The following PRKG1 variants were observed in gnomAD, a reference collection of about 807,000 sequenced individuals.
PRKG1 encodes cGMP-dependent protein kinase 1.
A neutral mutation model predicts 88.1 loss-of-function variants in PRKG1; 35 were observed. The ratio of observed to expected loss-of-function variants is 0.40; its 90% CI spans 0.30 to 0.53. The LOEUF (loss-of-function observed/expected upper bound fraction) is 0.53. Ranked by LOEUF, PRKG1 falls within the 20% of genes least tolerant of loss-of-function variation. The probability of loss-of-function intolerance (pLI) is 0.59; values close to 1 mark genes in which losing one functional copy is unlikely to be tolerated. For synonymous variants in PRKG1, 303 were observed against 292.5 expected, an observed-to-expected ratio of 1.04 and a Z score of -0.37; for missense variants, 540 against 839.8, an observed-to-expected ratio of 0.64 and a Z score of 4.41.
At chr10:51,595,137 A>T (rs1838411531) in intron 3 of PRKG1, among the ~76,000 whole-genome samples, 1 of 152,154 alleles carries the variant, frequency 6.6e-6, no homozygotes, top group South Asian at 2.1e-4. Flanking sequence ...GCTTGGGTCC[A>T]GCAGCTCAAG....
rs77396027 is a variant in PRKG1 at position 51,272,504 on chromosome 10, G to GTT, written c.478+119184_478+119185dup. Among the ~76,000 whole-genome samples the GTT allele has an allele frequency of 2.7e-3, 391 of 146,700 alleles. 3 individuals carry two copies. The highest frequency in any genetic ancestry group is 8.8e-3 in the African/African-American group (353 of 40,210). Reference sequence around the variant, plus strand: ...CATGTATCCCAGAACTTAAAGTTTTGTTTTTTTTTTTAAGTAGTTTGGGTT... The same window carrying GTT: ...CATGTATCCCAGAACTTAAAGTTTTGTTTTTTTTTTTTTAAGTAGTTTGGGTT... On this transcript the variant is annotated intron_variant, in intron 2 of 17. Coordinates refer to ENST00000373980, the MANE Select transcript of PRKG1 (RefSeq NM_006258.4).
At chr10:52,190,608 T>C (rs1839336508) in intron 9 of PRKG1, among the ~76,000 whole-genome samples, 1 of 152,204 alleles carries the variant, frequency 6.6e-6, no homozygotes, top group Admixed American at 6.5e-5. Context: ...GGTTTAAGTC[T>C]ATGTCACACA....
chr10:51,821,040 T>A (rs983688165), intron 4 of PRKG1, among the ~76,000 whole-genome samples: 1 of 152,186 alleles, frequency 6.6e-6, no homozygotes, highest in African/African-American at 2.4e-5. Flanking sequence ...TAACCACTAT[T>A]CTGAGTTCTA....
chr10:51,380,461 T>G (rs1351598718), intron 2 of PRKG1, among the ~76,000 whole-genome samples: 1 of 152,150 alleles, frequency 6.6e-6, no homozygotes, highest in Non-Finnish European at 1.5e-5. Flanking sequence ...TCATCCTAAT[T>G]AGAAAGGTGC....
rs1903984 is a variant in PRKG1, at chr10:52,007,755, T to G, written c.763-46729T>G. Among the ~76,000 whole-genome samples, 1,291 of 152,266 alleles carry G rather than the reference T, an allele frequency of 8.5e-3. 26 individuals carry two copies. The highest frequency in any genetic ancestry group is 0.03 in the African/African-American group (1,231 of 41,562). On this transcript the variant is annotated intron_variant, in intron 5 of 17. Transcript: ENST00000373980. ...TAACAAAAATATTCAGGACTTGAAC[T>G]CAATACTTGCCCAAATGGACCTAAT...
intron 3 of PRKG1, among the ~76,000 whole-genome samples, chr10:51,600,506 A>T (rs1375500226): frequency 6.6e-6 from 1 of 152,210 alleles, no homozygotes; most frequent in Non-Finnish European, 1.5e-5. Flanking sequence ...ATACAGCCAC[A>T]TAGAAAATTT....
intron 2 of PRKG1, among the ~76,000 whole-genome samples, chr10:51,155,524 TA>T (rs1290299164): frequency 6.6e-6 from 1 of 152,016 alleles, no homozygotes; most frequent in Non-Finnish European, 1.5e-5. Context: ...TCAGGGTTTA[TA>T]CCCAGGCTAT....
chr10:51,286,419 T>A (rs1840443081), intron 2 of PRKG1, among the ~76,000 whole-genome samples: 2 of 152,236 alleles, frequency 1.3e-5, no homozygotes, highest in African/African-American at 4.8e-5. Context: ...TTCCATTTTA[T>A]ACCTTTTCCC....
chr10:51,419,415 C>T (rs781336927), intron 2 of PRKG1, among the ~76,000 whole-genome samples: 6 of 152,110 alleles, frequency 3.9e-5, no homozygotes, highest in Non-Finnish European at 8.8e-5. Context: ...TAAAGAAGAA[C>T]ATGACGTTTT....
intron 2 of PRKG1, among the ~76,000 whole-genome samples, chr10:51,196,653 G>C (rs1837774943): frequency 6.6e-6 from 1 of 152,142 alleles, no homozygotes; most frequent in African/African-American, 2.4e-5. Context: ...TGTGAACTGT[G>C]AAGTAATAGA....
At chr10:51,243,059 A>T (rs1201860941) in intron 2 of PRKG1, among the ~76,000 whole-genome samples, 2 of 152,170 alleles carry the variant, frequency 1.3e-5, no homozygotes, top group African/African-American at 4.8e-5. Flanking sequence ...GTGCTAATAC[A>T]TTGAGATGGA....
intron 5 of PRKG1, among the ~76,000 whole-genome samples, chr10:51,963,007 C>A (rs1191656119): frequency 1.3e-5 from 2 of 152,148 alleles, no homozygotes; most frequent in Non-Finnish European, 2.9e-5. Context: ...TGGATGCTCT[C>A]AGTGTAGTTT....
intron 2 of PRKG1, among the ~76,000 whole-genome samples, chr10:51,415,296 A>G (rs1001154771): frequency 5.3e-5 from 8 of 152,320 alleles, no homozygotes; most frequent in Non-Finnish European, 8.8e-5. Flanking sequence ...AAGAATGACT[A>G]TTGTACTCAT....
At chr10:51,652,321 T>TAA (rs55687079) in intron 3 of PRKG1, among the ~76,000 whole-genome samples, 28,277 of 149,826 alleles carry the variant, frequency 0.19, 2,924 homozygotes, top group Non-Finnish European at 0.25. Flanking sequence ...TGACACAAAT[T>TAA]AAAAAAAAAA....
chr10:51,318,853 C>G (rs1339472582), intron 2 of PRKG1, among the ~76,000 whole-genome samples: 2 of 152,136 alleles, frequency 1.3e-5, no homozygotes, highest in African/African-American at 4.8e-5. Context: ...AGAATCTGAG[C>G]TTAAATTTCT....
intron 4 of PRKG1, among the ~76,000 whole-genome samples, chr10:51,872,263 A>AT (rs948217539): frequency 4.6e-5 from 7 of 152,094 alleles, no homozygotes; most frequent in African/African-American, 7.2e-5. Context: ...AACTTACTGT[A>AT]TTTTTTTGCC....
intron 5 of PRKG1, among the ~76,000 whole-genome samples, chr10:52,024,828 C>A (rs1468875045): frequency 1.3e-5 from 2 of 152,174 alleles, no homozygotes; most frequent in Non-Finnish European, 2.9e-5. Flanking sequence ...GATTTATAAT[C>A]CTTTGGTTAT....
chr10:51,491,546 A>T (rs1840708103), intron 3 of PRKG1, among the ~76,000 whole-genome samples: 1 of 152,106 alleles, frequency 6.6e-6, no homozygotes, highest in Non-Finnish European at 1.5e-5. Context: ...GACTTATTCA[A>T]GGCGTTAAAA....
At chr10:51,004,192 G>A (rs749722735) in intron 1 of PRKG1, among the ~76,000 whole-genome samples, 1 of 152,096 alleles carries the variant, frequency 6.6e-6, no homozygotes, top group African/African-American at 2.4e-5. Context: ...GGCCGGGCAC[G>A]GTGGCTCATG....
Sources: allele counts gnomAD v4.1 joint callset (sites outside exome capture counted in the v4.1 genomes callset), GRCh38; gene constraint gnomAD v4.1.1; transcripts MANE v1.5; gene names NCBI Gene and HGNC (gene_info 2026-07-23, HGNC 2026-07-21).